Variants in MTA1 observed in about 807,000 individuals in gnomAD.
The protein encoded by MTA1 is metastasis-associated protein MTA1.
Under a neutral mutation model 97.0 loss-of-function variants are expected in MTA1, and 15 were observed. That is an observed-to-expected ratio of 0.15 (90% confidence interval 0.10 to 0.24). The LOEUF is 0.24. MTA1 is among the 10% of genes least tolerant of loss of function. MTA1 has a pLI of 1.00. For synonymous variants in MTA1, 435 were observed against 417.5 expected (o/e 1.04, Z -0.51); for missense variants, 709 against 1,015.1 (o/e 0.70, Z 4.10).
chr14:105,444,235 C>T (rs1388422358), intron 2 of MTA1, among the ~76,000 whole-genome samples: 11 of 141,048 alleles, frequency 7.8e-5, no homozygotes, highest in Non-Finnish European at 1.2e-4. Flanking sequence ...ATTAGCCGGG[C>T]GTGGTGGTGG....
intron 2 of MTA1, 84 bp downstream of exon 2, chr14:105,438,823 T>C: frequency 2.1e-6 from 3 of 1,456,412 alleles, no homozygotes; most frequent in Non-Finnish European, 2.9e-6. Context: ...CCAGTGTGGG[T>C]GGCCCCCTTT....
chr14:105,434,075 C>G (rs2082259418), intron 1 of MTA1, among the ~76,000 whole-genome samples: 1 of 152,200 alleles, frequency 6.6e-6, no homozygotes, highest in Non-Finnish European at 1.5e-5. Context: ...TGCCCGCCTC[C>G]TGAAGTGCTG....
At chr14:105,430,504 T>C (rs934400113) in intron 1 of MTA1, among the ~76,000 whole-genome samples, 1 of 152,010 alleles carries the variant, frequency 6.6e-6, no homozygotes, top group South Asian at 2.1e-4. Context: ...AAGTTGGAAA[T>C]GTTGAGAGAA....
At chr14:105,429,403 A>T (rs1463506498) in intron 1 of MTA1, among the ~76,000 whole-genome samples, 1 of 151,178 alleles carries the variant, frequency 6.6e-6, no homozygotes, top group Admixed American at 6.6e-5. Flanking sequence ...CTCCTGCCTC[A>T]GCCTCCCAAG....
rs782108519 is a variant in MTA1 at position 105,463,166 on chromosome 14, A to G, written c.943-18A>G. The stretch of plus-strand genomic sequence containing the variant: ...TCCTGCCCCTTCCTGCTTGTGTGAC[A>G]CGCCTCCTCCCACCCAGCTCCCGTG... On this transcript the variant is annotated intron_variant, in intron 10 of 20. Coordinates refer to ENST00000331320, the MANE Select transcript of MTA1 (RefSeq NM_004689.4). This position sits in a 1 kb window ranked among gnomAD's most constrained non-coding sequence, Gnocchi z 5.9. 7 of 1,608,640 alleles carry G rather than the reference A, an allele frequency of 4.4e-6. No homozygotes were observed. The highest frequency in any genetic ancestry group is 5.1e-6 in the Non-Finnish European group (6 of 1,178,954).
chr14:105,449,195 C>T, intron 3 of MTA1, 164 bp from the exon 4 acceptor site: 1 of 592,626 alleles, frequency 1.7e-6, no homozygotes, highest in Non-Finnish European at 2.9e-6. Context: ...CGTCGAGGCC[C>T]AGATGATCTT....
chr14:105,450,099 C>T lies in MTA1; in HGVS notation c.283C>T (p.Leu95=). 1.2e-6 allele frequency: 2 copies of T among 1,613,422 alleles called. No individual in the cohort carries two copies. The highest frequency in any genetic ancestry group is 1.7e-6 in the Non-Finnish European group (2 of 1,179,860). Residue 95 remains leucine, a synonymous_variant, in exon 5 of 21, where the codon CTG becomes TTG. Transcript: ENST00000331320. The stretch of plus-strand genomic sequence containing the variant: ...AATGGAGAACCCGGAAATGGTGGAC[C>T]TGCCCGAGAAACTAAAGCACCAGCT... ...EEMENPEMVD[L]PEKLKHQLRH... is the part of the protein sequence containing the mutation.
Position 105,465,132 on chromosome 14 carries a change from G to T in MTA1, c.1573G>T (p.Val525Leu), listed in dbSNP as rs2083516148. The T allele has an allele frequency of 6.6e-7, 1 of 1,525,232 alleles. No homozygotes were observed. The highest frequency in any genetic ancestry group is 8.8e-7 in the Non-Finnish European group (1 of 1,132,288). 94.5% of individuals were successfully genotyped at this position (1,525,232 alleles called of 1,614,324 possible). A position where few individuals can be genotyped will look rare whatever the true frequency, so the allele number is the denominator to read the frequency against. Residue 525 changes from valine (V) to leucine (L), a missense_variant, in exon 16 of 21, where the codon GTG (valine) becomes TTG (leucine). Val to Leu is a conservative substitution (Grantham distance 32). Transcript: ENST00000331320. ...GCCCGAAGCCTCCCAGAGCCCGCTG[G>T]TGCTGAAGCAGGCGGTACGCAAGCC... ...RLPEASQSPL[V>L]LKQAVRKPLE... is the part of the protein sequence containing the mutation.
chr14:105,469,789 G>A, intron 19 of MTA1, 52 bp from the exon 20 acceptor site: 1 of 1,564,528 alleles, frequency 6.4e-7, no homozygotes, highest in East Asian at 2.4e-5. Context: ...CCTGCAGGTT[G>A]AGGTGGAGCT....
At chr14:105,429,566 C>T (rs1180344128) in intron 1 of MTA1, among the ~76,000 whole-genome samples, 1 of 151,728 alleles carries the variant, frequency 6.6e-6, no homozygotes, top group Non-Finnish European at 1.5e-5. Context: ...ATTCTCTTGC[C>T]TCAGCCTCCC....
intron 19 of MTA1, 170 bp from the exon 20 acceptor site, chr14:105,469,671 G>A (rs917851514): frequency 3.8e-5 from 46 of 1,205,198 alleles, no homozygotes; most frequent in Non-Finnish European, 4.9e-5. Flanking sequence ...CAGGCCCAGC[G>A]GTGTGCGGCC....
intron 1 of MTA1, among the ~76,000 whole-genome samples, chr14:105,437,322 CGTCCTCATGGGAGT>C (rs1471318755): frequency 2.1e-5 from 3 of 141,878 alleles, no homozygotes; most frequent in Non-Finnish European, 4.6e-5. Flanking sequence ...CCTGCAGGTG[CGTCCTCATGGGAGT>C]GTCCTCATGG....
intron 6 of MTA1, 104 bp from the exon 7 acceptor site, chr14:105,454,089 T>C: frequency 1.2e-6 from 1 of 818,428 alleles, no homozygotes; most frequent in Non-Finnish European, 2.0e-6. Context: ...CCACAAGAGC[T>C]CTGGGCAAGA....
At chr14:105,443,729 T>G (rs2082619925) in intron 2 of MTA1, among the ~76,000 whole-genome samples, 1 of 152,164 alleles carries the variant, frequency 6.6e-6, no homozygotes, top group South Asian at 2.1e-4. Flanking sequence ...GGCAGATTGC[T>G]GGAGTCCAGG....
At position 105,449,433 on chromosome 14, in the gene MTA1, G is replaced by C. The variant is rs781858708; in HGVS notation, c.241+24G>C. The C allele has an allele frequency of 1.0e-4, 166 of 1,608,170 alleles. No homozygotes were observed. In the Admixed American group the frequency reaches 2.8e-3, roughly 27 times the overall value. On this transcript the variant is annotated intron_variant, in intron 4 of 20. Transcript: ENST00000331320. ...AGGTAAGAGCCGGCCTCCGCAAGGAGGGCGTCCTCCTGTCTGTGTCCCTGG... is the reference window on the plus strand; with the variant it reads ...AGGTAAGAGCCGGCCTCCGCAAGGACGGCGTCCTCCTGTCTGTGTCCCTGG...
intron 9 of MTA1, 150 bp downstream of exon 9, chr14:105,460,607 C>A: frequency 8.4e-7 from 1 of 1,192,764 alleles, no homozygotes; most frequent in Non-Finnish European, 1.1e-6. Flanking sequence ...CCTTTCCTAT[C>A]CACCCCAAAC....
At position 105,464,046 on chromosome 14, in the gene MTA1, C is replaced by T. The variant is rs782320928; in HGVS notation, c.1091C>T (p.Pro364Leu). ...CCCTCTTTAAGTAACAAGCCAAATC[C>T]GAACCAAATCAGCGTCAACAACGTC... ...VYIPNYNKPN[P>L]NQISVNNVKA... Residue 364 changes from proline (P) to leucine (L), a missense_variant, in exon 13 of 21, where the codon CCG becomes CTG. Transcript: ENST00000331320. 2 of 1,612,614 alleles carry T rather than the reference C, an allele frequency of 1.2e-6. No homozygotes were observed.
At chr14:105,433,287 C>T (rs1416902403) in intron 1 of MTA1, among the ~76,000 whole-genome samples, 4 of 152,070 alleles carry the variant, frequency 2.6e-5, no homozygotes, top group African/African-American at 9.7e-5. Flanking sequence ...CTTGGTGGTC[C>T]AGGTGTTTTT....
intron 18 of MTA1, chr14:105,468,442 C>G (rs1720956354): frequency 2.5e-6 from 3 of 1,191,940 alleles, no homozygotes; most frequent in Non-Finnish European, 3.4e-6. Context: ...CTTGGGAGCG[C>G]CGCAGATCAG....
Sources: allele counts gnomAD v4.1 joint callset (sites outside exome capture counted in the v4.1 genomes callset), GRCh38; gene constraint gnomAD v4.1.1; non-coding constraint Gnocchi (gnomAD v3.1); transcripts MANE v1.5; gene names NCBI Gene and HGNC (gene_info 2026-07-23, HGNC 2026-07-21).